Variants in KCNMA1 observed in about 807,000 individuals in gnomAD.
The protein encoded by KCNMA1 is Calcium-activated potassium channel subunit alpha-1.
Under a neutral mutation model 140.0 loss-of-function variants are expected in KCNMA1, and 29 were observed. That is an observed-to-expected ratio of 0.21 (90% CI 0.15 to 0.28). The LOEUF is 0.28. Among genes scored for constraint, KCNMA1 ranks in the 10% least tolerant of loss-of-function variants. KCNMA1 has a pLI of 1.00. For synonymous variants in KCNMA1, 612 were observed against 611.9 expected, an observed-to-expected ratio of 1.00 and a Z score of 0.00; for missense variants, 880 against 1,602.2, an observed-to-expected ratio of 0.55 and a Z score of 7.70.
At chr10:77,524,987 A>C (rs2055022973) in intron 1 of KCNMA1, among the ~76,000 whole-genome samples, 1 of 152,172 alleles carries the variant, frequency 6.6e-6, no homozygotes, top group Non-Finnish European at 1.5e-5. Flanking sequence ...CTGACCCCCT[A>C]ACCCAGTCAA....
intron 1 of KCNMA1, among the ~76,000 whole-genome samples, chr10:77,456,948 G>A (rs544410400): frequency 1.8e-3 from 280 of 152,322 alleles, no homozygotes; most frequent in African/African-American, 5.9e-3. Context: ...CCATGTTTAA[G>A]ATAAGCTGGT....
exon 28 of KCNMA1, chr10:76,871,819 C>T (rs2031396572): frequency 6.6e-6 from 1 of 152,228 alleles, no homozygotes; most frequent in Non-Finnish European, 1.5e-5. Context: ...TGTTTCAACT[C>T]CTACCATATT....
chr10:77,404,867 G>A (rs868333585), intron 1 of KCNMA1, among the ~76,000 whole-genome samples: 11 of 152,114 alleles, frequency 7.2e-5, no homozygotes, highest in East Asian at 1.9e-4. Flanking sequence ...AGACTCAAGC[G>A]TGGAACATTT....
intron 2 of KCNMA1, among the ~76,000 whole-genome samples, chr10:77,397,840 C>G (rs1285592455): frequency 6.6e-6 from 1 of 152,152 alleles, no homozygotes; most frequent in African/African-American, 2.4e-5. Context: ...CACTATTTAG[C>G]TCCCACTTAT....
intron 5 of KCNMA1, among the ~76,000 whole-genome samples, chr10:77,161,946 A>G (rs1055119972): frequency 6.6e-6 from 1 of 152,256 alleles, no homozygotes; most frequent in Non-Finnish European, 1.5e-5. Context: ...CAACAAGCAG[A>G]GTGCTATGAT....
intron 15 of KCNMA1, among the ~76,000 whole-genome samples, chr10:77,031,137 C>T (rs772074837): frequency 1.5e-4 from 23 of 152,328 alleles, no homozygotes; most frequent in Non-Finnish European, 3.2e-4. Flanking sequence ...ATGTGCTGCA[C>T]AGATGCTTCT....
chr10:77,092,773 A>T (rs980182135), intron 9 of KCNMA1, among the ~76,000 whole-genome samples: 2 of 152,234 alleles, frequency 1.3e-5, no homozygotes, highest in Non-Finnish European at 2.9e-5. Flanking sequence ...GTCTGGGGAA[A>T]TGCCTGAACA....
chr10:77,163,344 C>A (rs1433514237), intron 5 of KCNMA1, among the ~76,000 whole-genome samples: 4 of 152,184 alleles, frequency 2.6e-5, no homozygotes, highest in African/African-American at 9.7e-5. Context: ...GCCACAGAGG[C>A]AGAGTTGAAT....
At chr10:77,134,273 C>T (rs915770156) in intron 5 of KCNMA1, among the ~76,000 whole-genome samples, 1 of 151,928 alleles carries the variant, frequency 6.6e-6, no homozygotes, top group African/African-American at 2.4e-5. Context: ...ATAATAAACA[C>T]AATATCCAAT....
chr10:77,162,739 G>C (rs947566468), intron 5 of KCNMA1, among the ~76,000 whole-genome samples: 1 of 152,226 alleles, frequency 6.6e-6, no homozygotes, highest in African/African-American at 2.4e-5. Flanking sequence ...AATTAACTTA[G>C]AGACAGTGGG....
intron 15 of KCNMA1, among the ~76,000 whole-genome samples, chr10:77,028,546 C>T (rs1052702765): frequency 3.9e-5 from 6 of 152,058 alleles, no homozygotes; most frequent in Non-Finnish European, 8.8e-5. Context: ...CCCAACCCAT[C>T]CTCACAGGCC....
chr10:76,991,704 A>G (rs2082820675), intron 19 of KCNMA1, among the ~76,000 whole-genome samples: 1 of 152,114 alleles, frequency 6.6e-6, no homozygotes, highest in South Asian at 2.1e-4. Context: ...TACTCTTGCC[A>G]ATATAGGAAG....
intron 13 of KCNMA1, among the ~76,000 whole-genome samples, chr10:77,075,535 A>C (rs1311505342): frequency 6.6e-6 from 1 of 152,208 alleles, no homozygotes; most frequent in Non-Finnish European, 1.5e-5. Flanking sequence ...TGTGCTATCT[A>C]AGGTATAAGG....
chr10:77,531,135 C>G (rs1002882923), intron 1 of KCNMA1, among the ~76,000 whole-genome samples: 2 of 152,152 alleles, frequency 1.3e-5, no homozygotes, highest in Non-Finnish European at 1.5e-5. Flanking sequence ...CAGAAAGCAC[C>G]ACGCGGGGCT....
At position 76,902,645 on chromosome 10, in the gene KCNMA1, T is replaced by A. The variant is rs1303116177; in HGVS notation, c.3147+7321A>T. 2.0e-5 allele frequency: 3 copies of A among 152,224 alleles called. No homozygotes were observed. In the East Asian group the frequency reaches 5.8e-4, roughly 29 times the overall value. 9.4% of individuals were successfully genotyped at this position (152,224 alleles called of 1,614,324 possible). A position where few individuals can be genotyped will look rare whatever the true frequency, so the allele number is the denominator to read the frequency against. ...AACCTGACTAGCGAAGCCCTTCTTCTGATTAAGGCAACGTGGCCCCCTGGT... is the reference window on the plus strand; with the variant it reads ...AACCTGACTAGCGAAGCCCTTCTTCAGATTAAGGCAACGTGGCCCCCTGGT... On this transcript the variant is annotated intron_variant, in intron 25 of 27. Coordinates refer to ENST00000286628, the MANE Select transcript of KCNMA1 (RefSeq NM_001161352.2).
At chr10:77,331,446 C>T (rs2086389966) in intron 2 of KCNMA1, among the ~76,000 whole-genome samples, 1 of 152,116 alleles carries the variant, frequency 6.6e-6, no homozygotes, top group Non-Finnish European at 1.5e-5. Flanking sequence ...TGAAATGATG[C>T]TGAAGAGGAA....
At chr10:77,044,901 C>A (rs918855042) in intron 14 of KCNMA1, among the ~76,000 whole-genome samples, 1 of 151,828 alleles carries the variant, frequency 6.6e-6, no homozygotes, top group Non-Finnish European at 1.5e-5. Flanking sequence ...GTTAGGATTT[C>A]GGGGAATGGG....
intron 25 of KCNMA1, among the ~76,000 whole-genome samples, chr10:76,900,787 C>A (rs60586497): frequency 0.079 from 12,026 of 151,686 alleles, 564 homozygotes; most frequent in South Asian, 0.15. Context: ...TCGGCATTTG[C>A]CATAATGTAT....
At chr10:76,914,212 T>C in intron 24 of KCNMA1, 9 of 1,010,944 alleles carry the variant, frequency 8.9e-6, no homozygotes, top group Non-Finnish European at 1.4e-5. Flanking sequence ...AGTGAGGGAA[T>C]AACAGAGGAA....
Sources: allele counts gnomAD v4.1 joint callset (sites outside exome capture counted in the v4.1 genomes callset), GRCh38; gene constraint gnomAD v4.1.1; transcripts MANE v1.5; gene names NCBI Gene and HGNC (gene_info 2026-07-23, HGNC 2026-07-21).